NUP107: variants seen among roughly 807,000 people sequenced by gnomAD.
The protein encoded by NUP107 is nuclear pore complex protein Nup107.
NUP107 carries 101 observed loss-of-function variants against 141.0 expected under a neutral mutation model. That is an observed-to-expected ratio of 0.72 (90% CI 0.61 to 0.84). The LOEUF (loss-of-function observed/expected upper bound fraction) is 0.84, where lower values mean the gene tolerates loss of function less well. Among genes scored for constraint, NUP107 ranks in the 40% least tolerant of loss-of-function variants. The pLI is 0.00. For synonymous variants in NUP107, 319 were observed against 363.9 expected (o/e 0.88, Z 1.41); for missense variants, 941 against 1,102.7 (o/e 0.85, Z 2.08).
chr12:68,721,297 A>G, intron 15 of NUP107, 120 bp downstream of exon 15: 1 of 572,864 alleles, frequency 1.7e-6, no homozygotes, highest in Non-Finnish European at 3.0e-6. Context: ...ATACATACTT[A>G]AGTGTAGCAA....
rs575416707 is a variant in NUP107, at chr12:68,729,808, T to G, written c.1735-1302T>G. On this transcript the variant is annotated intron_variant, in intron 20 of 27. Transcript: ENST00000229179. ...TGTTTGTGAGTCTTTTTTTTTTTTT[T>G]GAGACGGAGTCTCACTCTCTCGCCC... 6.6e-3 allele frequency among the ~76,000 whole-genome samples: 999 copies of G among 151,108 alleles called. 8 individuals carry two copies. The highest frequency in any genetic ancestry group is 0.023 in the African/African-American group (936 of 41,206).
intron 12 of NUP107, among the ~76,000 whole-genome samples, chr12:68,717,318 T>C (rs1043715754): frequency 1.3e-5 from 2 of 152,214 alleles, no homozygotes; most frequent in Non-Finnish European, 2.9e-5. Flanking sequence ...TATTTACTTA[T>C]AGCCCTTTTT....
chr12:68,716,332 G>C lies in NUP107; in HGVS notation c.1083+592G>C, dbSNP rs1195484666. Among the ~76,000 whole-genome samples the C allele has an allele frequency of 6.6e-5, 10 of 150,640 alleles. No individual in the cohort carries two copies. In the Admixed American group the frequency reaches 6.7e-4, roughly 10 times the overall value. ...GCCCACTGCAGTCCTTACCTCCCGG[G>C]CTCAAGCCCTGCCTCAGCCTCCTGA... On this transcript the variant is annotated intron_variant, in intron 12 of 27. Coordinates refer to ENST00000229179, the MANE Select transcript of NUP107 (RefSeq NM_020401.4).
rs749419458 is a variant in NUP107 at position 68,687,048 on chromosome 12, G to A, written c.-18G>A. On this transcript the variant is annotated 5_prime_UTR_variant, in exon 1 of 28. It adds an upstream start codon to the 5' untranslated region. Coordinates refer to ENST00000229179, the MANE Select transcript of NUP107 (RefSeq NM_020401.4). Reference sequence around the variant, plus strand: ...AAACTGCAGCCAACTTTGGTTGTGTGTGGAAAAGGCTTTAGCCATGGACAG... The same window carrying A: ...AAACTGCAGCCAACTTTGGTTGTGTATGGAAAAGGCTTTAGCCATGGACAG... 6.2e-7 allele frequency: 1 copy of A among 1,614,092 alleles called. No individual in the cohort carries two copies. The highest frequency in any genetic ancestry group is 1.3e-5 in the African/African-American group (1 of 74,950).
intron 8 of NUP107, among the ~76,000 whole-genome samples, chr12:68,707,849 C>T (rs1876668830): frequency 6.6e-6 from 1 of 152,156 alleles, no homozygotes; most frequent in South Asian, 2.1e-4. Flanking sequence ...GCGATCCCAG[C>T]ACTTTGGGAG....
chr12:68,694,539 CA>C (rs1184511599), intron 5 of NUP107, among the ~76,000 whole-genome samples: 1 of 152,186 alleles, frequency 6.6e-6, no homozygotes, highest in African/African-American at 2.4e-5. Context: ...GGTTAATATC[CA>C]AAATGTATAA....
rs141296706 is a variant in NUP107, at chr12:68,742,444, G to A, written c.2760G>A (p.Gly920=). The change falls in exon 28 of 28, where the codon GGG becomes GGA. Residue 920 remains glycine (G), a synonymous_variant. Transcript: ENST00000229179. The part of the protein sequence containing the change: ...MLLDQGLDPL[G]YEIQL ...TAGACCAGGGACTTGACCCATTAGG[G>A]TATGAAATTCAGTTATAGTTTAATC... 2.5e-6 allele frequency: 4 copies of A among 1,576,028 alleles called. No homozygotes were observed. The highest frequency in any genetic ancestry group is 3.5e-6 in the Non-Finnish European group (4 of 1,156,378).
rs762237395 is a variant in NUP107 at position 68,713,788 on chromosome 12, C to T, written c.949C>T (p.Arg317Cys). The T allele has an allele frequency of 3.1e-6, 5 of 1,609,682 alleles. No individual in the cohort carries two copies. Among genetic ancestry groups the T allele is most frequent in the South Asian group, 1.1e-5 (1 of 90,004 alleles). Residue 317 changes from arginine (R) to cysteine (C), a missense_variant, in exon 11 of 28, where the codon CGT (arginine) becomes TGT (cysteine). Arg to Cys is a radical substitution (Grantham distance 180). Coordinates refer to ENST00000229179, the MANE Select transcript of NUP107 (RefSeq NM_020401.4). ...GCTGACTTCTTACGTTGGAAGTGTTCGTCCGCTTGTCACTGAATTGGTAAA... is the reference window on the plus strand; with the variant it reads ...GCTGACTTCTTACGTTGGAAGTGTTTGTCCGCTTGTCACTGAATTGGTAAA... ...RQLTSYVGSVRPLVTELDPDA... is the reference protein window; with the variant it reads ...RQLTSYVGSVCPLVTELDPDA...
At chr12:68,693,404 G>A (rs2055776362) in intron 5 of NUP107, among the ~76,000 whole-genome samples, 2 of 151,806 alleles carry the variant, frequency 1.3e-5, no homozygotes, top group Admixed American at 6.6e-5. Context: ...ATAGAGACAG[G>A]GTCTACAAAG....
chr12:68,688,908 T>C, intron 1 of NUP107, 54 bp from the exon 2 acceptor site: 1 of 1,352,814 alleles, frequency 7.4e-7, no homozygotes, highest in East Asian at 2.3e-5. Context: ...ATAAAATTCT[T>C]TATAAATGCT....
rs773967370 is a variant in NUP107, at chr12:68,689,037, T to C, written c.84T>C (p.Ala28=). The stretch of plus-strand genomic sequence containing the variant: ...CACGGACTGCACGGAAACAGAGTGC[T>C]CAGAAAAGAGTTTTACGTATCCTTT... ...EVTRTARKQS[A]QKRVLLQASQ... Residue 28 remains alanine (A), a synonymous_variant, in exon 2 of 28, where the codon GCT becomes GCC. Transcript: ENST00000229179. The C allele has an allele frequency of 6.2e-6, 10 of 1,612,428 alleles. No individual in the cohort carries two copies. In the East Asian group the frequency reaches 2.2e-4, roughly 36 times the overall value.
At chr12:68,711,459 C>G (rs185785271) in intron 10 of NUP107, among the ~76,000 whole-genome samples, 2 of 151,532 alleles carry the variant, frequency 1.3e-5, no homozygotes, top group East Asian at 3.9e-4. Context: ...GAGCTTGAAC[C>G]TGGGAGGCAG....
At chr12:68,691,582 C>T (rs997393496) in intron 4 of NUP107, among the ~76,000 whole-genome samples, 2 of 152,092 alleles carry the variant, frequency 1.3e-5, no homozygotes, top group African/African-American at 2.4e-5. Context: ...ATCTGTAATC[C>T]CAGCATTTTG....
At chr12:68,742,316 G>C in intron 27 of NUP107, 39 bp from the exon 28 acceptor site, 1 of 1,310,210 alleles carries the variant, frequency 7.6e-7, no homozygotes, top group Non-Finnish European at 1.1e-6. Context: ...TTGTCTACTT[G>C]TCTTTGTTCT....
At chr12:68,707,307 G>GA (rs113669292) in intron 8 of NUP107, among the ~76,000 whole-genome samples, 29 of 150,020 alleles carry the variant, frequency 1.9e-4, no homozygotes, top group African/African-American at 3.9e-4. Context: ...TGTCAAAAAA[G>GA]AAAAAAAAAA....
At chr12:68,728,719 CTTT>C (rs34454032) in intron 20 of NUP107, among the ~76,000 whole-genome samples, 1 of 131,034 alleles carries the variant, frequency 7.6e-6, no homozygotes, top group African/African-American at 2.8e-5. Context: ...CTGGACCTGT[CTTT>C]TTTTTTTTTT....
At chr12:68,695,469 C>CA (rs1250828508) in intron 5 of NUP107, among the ~76,000 whole-genome samples, 1 of 152,140 alleles carries the variant, frequency 6.6e-6, no homozygotes, top group Non-Finnish European at 1.5e-5. Flanking sequence ...CATGCTACAA[C>CA]ATGGATGAAC....
chr12:68,718,026 G>A (rs1232646645), intron 12 of NUP107, among the ~76,000 whole-genome samples: 1 of 152,162 alleles, frequency 6.6e-6, no homozygotes, highest in East Asian at 1.9e-4. Context: ...GAAGTGGGAA[G>A]TATAGAAGGT....
In NUP107 at chr12:68,735,254, G is replaced by C. The variant is rs767687498; in HGVS notation, c.2412G>C (p.Gly804=). ...AGATGGATTTTGGTATTTGGAAAGG[G>C]CATTTGGATGCCCTAACTGCTGATG... ...KYEMDFGIWK[G]HLDALTADVK... Residue 804 remains glycine, a synonymous_variant, in exon 26 of 28, where the codon GGG becomes GGC. Coordinates refer to ENST00000229179, the MANE Select transcript of NUP107 (RefSeq NM_020401.4). 6.2e-7 allele frequency: 1 copy of C among 1,613,570 alleles called. No individual in the cohort carries two copies. The highest frequency in any genetic ancestry group is 1.3e-5 in the African/African-American group (1 of 74,912).
Sources: gnomAD v4.1 joint callset for allele counts (sites outside exome capture counted in the v4.1 genomes callset) on GRCh38, gnomAD v4.1.1 for gene constraint, MANE v1.5 for transcripts, NCBI Gene and HGNC (gene_info 2026-07-23, HGNC 2026-07-21) for gene names.